ARL15: variants seen among roughly 807,000 people sequenced by gnomAD.
The protein encoded by ARL15 is ADP-ribosylation factor-like protein 15.
A neutral mutation model predicts 25.2 loss-of-function variants in ARL15; 19 were observed. The observed-to-expected ratio is 0.75, with a 90% CI of 0.53 to 1.10. The LOEUF (loss-of-function observed/expected upper bound fraction) is 1.10, where lower values mean the gene tolerates loss of function less well. Among genes scored for constraint, ARL15 ranks in the 50% least tolerant of loss-of-function variants. ARL15 has a pLI of 0.00. For missense variants in ARL15, 220 were observed against 246.0 expected, an observed-to-expected ratio of 0.89 and a Z score of 0.71; for synonymous variants, 94 against 86.8, an observed-to-expected ratio of 1.08 and a Z score of -0.46.
At chr5:54,123,610 A>G (rs2112251827) in intron 3 of ARL15, among the ~76,000 whole-genome samples, 1 of 152,318 alleles carries the variant, frequency 6.6e-6, no homozygotes, top group East Asian at 1.9e-4. Flanking sequence ...AGGTGGATGA[A>G]TGAACCATTA....
chr5:54,112,853 C>T (rs930325709), intron 4 of ARL15, among the ~76,000 whole-genome samples: 36 of 152,108 alleles, frequency 2.4e-4, no homozygotes, highest in African/African-American at 5.8e-4. Flanking sequence ...GAAATACTCA[C>T]GATATGTTCC....
At chr5:54,120,915 G>C (rs1482346485) in intron 3 of ARL15, among the ~76,000 whole-genome samples, 3 of 152,118 alleles carry the variant, frequency 2.0e-5, no homozygotes, top group African/African-American at 7.2e-5. Flanking sequence ...AGCACAACTT[G>C]CCAATTTCCC....
intron 1 of ARL15, chr5:54,285,202 C>T: frequency 5.2e-6 from 1 of 191,024 alleles, no homozygotes; most frequent in Non-Finnish European, 9.7e-6. Context: ...ATCTTCTTTG[C>T]TGCCTCATCT....
At chr5:53,972,712 G>C (rs756912497) in intron 4 of ARL15, among the ~76,000 whole-genome samples, 6 of 152,024 alleles carry the variant, frequency 3.9e-5, no homozygotes, top group African/African-American at 1.4e-4. Context: ...CGAGATCACC[G>C]GTCAAGGCAT....
intron 1 of ARL15, among the ~76,000 whole-genome samples, chr5:54,181,795 T>G (rs1157384903): frequency 6.6e-6 from 1 of 151,994 alleles, no homozygotes; most frequent in African/African-American, 2.4e-5. Flanking sequence ...TTTCTCCACA[T>G]CCTCTCCAGC....
At chr5:54,025,117 A>G (rs907576746) in intron 4 of ARL15, among the ~76,000 whole-genome samples, 4 of 152,126 alleles carry the variant, frequency 2.6e-5, no homozygotes, top group African/African-American at 9.7e-5. Context: ...CTACAGAAAA[A>G]CATGAGAGCA....
intron 4 of ARL15, among the ~76,000 whole-genome samples, chr5:54,035,473 A>G (rs1032843045): frequency 2.0e-5 from 3 of 152,248 alleles, no homozygotes; most frequent in African/African-American, 7.2e-5. Context: ...AAATGTATTT[A>G]TGATATATTA....
chr5:53,951,517 T>C (rs754858696), intron 4 of ARL15: 1 of 472,098 alleles, frequency 2.1e-6, no homozygotes, highest in Non-Finnish European at 4.4e-6. Context: ...GGTGGTTCTG[T>C]GTAGGTATTC....
intron 1 of ARL15, among the ~76,000 whole-genome samples, chr5:54,247,967 G>A (rs997181694): frequency 6.6e-6 from 1 of 152,052 alleles, no homozygotes; most frequent in East Asian, 1.9e-4. Context: ...TTTACAGCAC[G>A]AAGACAAAAA....
chr5:53,908,678 C>G (rs1332518837), intron 4 of ARL15, among the ~76,000 whole-genome samples: 2 of 152,156 alleles, frequency 1.3e-5, no homozygotes, highest in African/African-American at 4.8e-5. Flanking sequence ...CACTTGTATT[C>G]AGATTTTCAA....
chr5:54,014,898 C>G (rs558000961), intron 4 of ARL15, among the ~76,000 whole-genome samples: 25 of 152,150 alleles, frequency 1.6e-4, no homozygotes, highest in African/African-American at 5.3e-4. Context: ...TATTTGTGTG[C>G]CTTTTCTCTT....
chr5:53,999,098 T>C (rs1336248180), intron 4 of ARL15, among the ~76,000 whole-genome samples: 2 of 152,026 alleles, frequency 1.3e-5, no homozygotes, highest in Non-Finnish European at 2.9e-5. Flanking sequence ...GGAAGAAATC[T>C]CCTAGGTAGA....
intron 1 of ARL15, among the ~76,000 whole-genome samples, chr5:54,295,738 C>T (rs1758448589): frequency 6.6e-6 from 1 of 152,178 alleles, no homozygotes; most frequent in Non-Finnish European, 1.5e-5. Flanking sequence ...GAACCAGCCT[C>T]ATTCAGGAAA....
chr5:54,181,969 G>C (rs1755071044), intron 1 of ARL15, among the ~76,000 whole-genome samples: 1 of 84,500 alleles, frequency 1.2e-5, no homozygotes, highest in Admixed American at 1.4e-4. Context: ...GTCTGTTCAT[G>C]TCCTTCGCCC....
chr5:54,186,820 C>T (rs890337935), intron 1 of ARL15, among the ~76,000 whole-genome samples: 1 of 151,264 alleles, frequency 6.6e-6, no homozygotes, highest in Non-Finnish European at 1.5e-5. Context: ...GCTCCATGGG[C>T]CTTATACATT....
chr5:54,287,097 C>T (rs1758200564), intron 1 of ARL15, among the ~76,000 whole-genome samples: 1 of 151,962 alleles, frequency 6.6e-6, no homozygotes, highest in Admixed American at 6.6e-5. Context: ...CCAGGTTGGT[C>T]TCAAACTCCT....
intron 4 of ARL15, among the ~76,000 whole-genome samples, chr5:54,021,061 C>A (rs1190399878): frequency 1.3e-5 from 2 of 152,120 alleles, no homozygotes; most frequent in Non-Finnish European, 2.9e-5. Flanking sequence ...TAGGGCCAGG[C>A]ACAGTGGCTC....
At chr5:53,899,981 A>C (rs757963156) in intron 4 of ARL15, among the ~76,000 whole-genome samples, 17 of 152,358 alleles carry the variant, frequency 1.1e-4, no homozygotes, top group Admixed American at 2.0e-4. Context: ...ATTATGAGTA[A>C]CTGAATGTTA....
chr5:53,939,950 G>C lies in ARL15; in HGVS notation c.463-53237C>G, dbSNP rs182186988. Among the ~76,000 whole-genome samples, 5 of 149,702 alleles carry C rather than the reference G, an allele frequency of 3.3e-5. No homozygotes were observed. The East Asian group carries it at 9.9e-4, about 30-fold the overall frequency. On this transcript the variant is annotated intron_variant, in intron 4 of 4. Transcript: ENST00000504924. Reference sequence around the variant, plus strand: ...AACAACAACAACAACAAACAACTTTGATTTTTGCTTGAAAATAAAGTCCTG... The same window carrying C: ...AACAACAACAACAACAAACAACTTTCATTTTTGCTTGAAAATAAAGTCCTG...
Sources: allele counts gnomAD v4.1 joint callset (sites outside exome capture counted in the v4.1 genomes callset), GRCh38; gene constraint gnomAD v4.1.1; transcripts MANE v1.5; gene names NCBI Gene and HGNC (gene_info 2026-07-23, HGNC 2026-07-21).